The following SUPT6H variants were observed in gnomAD, a reference collection of about 807,000 sequenced individuals.
The protein encoded by SUPT6H is transcription elongation factor SPT6.
SUPT6H carries 11 observed loss-of-function variants against 222.3 expected under a neutral mutation model. The ratio of observed to expected loss-of-function variants is 0.05; its 90% confidence interval spans 0.03 to 0.08. The LOEUF (loss-of-function observed/expected upper bound fraction) is 0.08. Ranked by LOEUF, SUPT6H falls within the 10% of genes least tolerant of loss-of-function variation. The probability of loss-of-function intolerance (pLI) is 1.00; values close to 1 mark genes in which losing one functional copy is unlikely to be tolerated. For missense variants in SUPT6H, 1,422 were observed against 2,216.0 expected, an observed-to-expected ratio of 0.64 and a Z score of 7.19; for synonymous variants, 762 against 801.2, an observed-to-expected ratio of 0.95 and a Z score of 0.83.
At position 28,675,062 on chromosome 17, in the gene SUPT6H, G is replaced by C; in HGVS notation, c.438G>C (p.Ala146=). 1.2e-6 allele frequency: 2 copies of C among 1,614,164 alleles called. No homozygotes were observed. The highest frequency in any genetic ancestry group is 1.7e-6 in the Non-Finnish European group (2 of 1,180,028). ...GKEEHEKEAI[A]EEIFQDGEGE... ...AGGAACATGAAAAAGAAGCTATTGC[G>C]GAAGAAATCTTCCAGGATGGGGAAG... Residue 146 remains alanine (A), a synonymous_variant, in exon 5 of 37, where the codon GCG becomes GCC. Coordinates refer to ENST00000314616, the MANE Select transcript of SUPT6H (RefSeq NM_003170.5).
chr17:28,685,981 C>T (rs1032993448), intron 19 of SUPT6H, among the ~76,000 whole-genome samples: 6 of 152,002 alleles, frequency 3.9e-5, no homozygotes, highest in Non-Finnish European at 7.4e-5. Flanking sequence ...TTCAAAGGGC[C>T]CTCACCCAAA....
rs376688082 is a variant in SUPT6H at position 28,687,942 on chromosome 17, T to A, written c.3007-149T>A. Reference sequence around the variant, plus strand: ...AGCAAAACTTTTTTTTTTTTTTTTTTAATTTTGAGTGGTCGATAGCATGCT... The same window carrying A: ...AGCAAAACTTTTTTTTTTTTTTTTTAAATTTTGAGTGGTCGATAGCATGCT... On this transcript the variant is annotated intron_variant, in intron 23 of 36. Coordinates refer to ENST00000314616, the MANE Select transcript of SUPT6H (RefSeq NM_003170.5). The A allele has an allele frequency of 9.2e-4, 732 of 791,676 alleles. 2 individuals carry two copies. The African/African-American group carries it at 0.01, about 11-fold the overall frequency. The allele number at this position is 791,676 out of a possible 1,614,324, so 49.0% of individuals were successfully genotyped here.
Position 28,682,734 on chromosome 17 carries a change from G to A in SUPT6H, c.1605G>A (p.Leu535=). The A allele has an allele frequency of 6.2e-7, 1 of 1,614,176 alleles. No homozygotes were observed. Among genetic ancestry groups the A allele is most frequent in the Non-Finnish European group, 8.5e-7 (1 of 1,180,026 alleles). The part of the protein sequence containing the change: ...TICQSAGLDG[L]AKKFGLTPEQ... ...CTCTTCTGTTTGCTTTAGATGGCCT[G>A]GCCAAAAAGTTTGGGCTTACTCCCG... The change falls in exon 14 of 37, where the codon CTG becomes CTA. Residue 535 remains leucine (L), a synonymous_variant. Transcript: ENST00000314616.
chr17:28,700,567 T>G (rs1313144125), intron 35 of SUPT6H, 55 bp downstream of exon 35: 30 of 1,577,978 alleles, frequency 1.9e-5, no homozygotes, highest in Non-Finnish European at 2.2e-5. Flanking sequence ...TAGACTGCCC[T>G]CTCGCATTGC....
chr17:28,677,390 A>G (rs991835530), intron 7 of SUPT6H, among the ~76,000 whole-genome samples: 1 of 151,924 alleles, frequency 6.6e-6, no homozygotes, highest in African/African-American at 2.4e-5. Context: ...CTCAAAAAAA[A>G]AAAAATCAGC....
chr17:28,682,890 G>T, intron 14 of SUPT6H, 34 bp downstream of exon 14: 1 of 1,613,810 alleles, frequency 6.2e-7, no homozygotes, highest in Non-Finnish European at 8.5e-7. Context: ...CAGGAGGAGG[G>T]GCCTGAGGAC....
intron 5 of SUPT6H, 109 bp downstream of exon 5, chr17:28,675,271 A>G: frequency 1.3e-6 from 2 of 1,484,906 alleles, no homozygotes; most frequent in Non-Finnish European, 1.8e-6. Context: ...AGCATTTGAC[A>G]CAAAGAAGTT....
rs1363127741 is a variant in SUPT6H at position 28,701,683 on chromosome 17, C to G, written c.*58C>G. The G allele has an allele frequency of 1.2e-5, 18 of 1,515,778 alleles. No individual in the cohort carries two copies. The highest frequency in any genetic ancestry group is 1.6e-5 in the Non-Finnish European group (18 of 1,119,468). The allele number at this position is 1,515,778 out of a possible 1,614,324, so 93.9% of individuals were successfully genotyped here. On this transcript the variant is annotated 3_prime_UTR_variant, in exon 37 of 37. Transcript: ENST00000314616. ...AGGCTGGGAAAGGCCTGGCTGCCCA[C>G]TGCCTCCCTCCCTGCCCCTCCTTTT...
chr17:28,678,036 G>A (rs1401649580), intron 8 of SUPT6H, 40 bp from the exon 9 acceptor site: 1 of 1,579,754 alleles, frequency 6.3e-7, no homozygotes, highest in East Asian at 2.2e-5. Context: ...GACAAACCAA[G>A]TAAACATTGT....
At chr17:28,684,153 C>T (rs1015159639) in intron 17 of SUPT6H, among the ~76,000 whole-genome samples, 1 of 152,030 alleles carries the variant, frequency 6.6e-6, no homozygotes, top group African/African-American at 2.4e-5. Context: ...TGAGCCACCA[C>T]GCCCAGCCGA....
chr17:28,682,659 G>C (rs1453117275), intron 13 of SUPT6H, 68 bp from the exon 14 acceptor site: 2 of 1,573,172 alleles, frequency 1.3e-6, no homozygotes, highest in Admixed American at 3.8e-5. Context: ...TCCAACTCCA[G>C]ATTCTGAAAG....
rs953378527 is a variant in SUPT6H at position 28,673,504 on chromosome 17, G to A, written c.103G>A (p.Asp35Asn). The A allele has an allele frequency of 6.2e-7, 1 of 1,611,484 alleles. No homozygotes were observed. The highest frequency in any genetic ancestry group is 8.5e-7 in the Non-Finnish European group (1 of 1,178,522). The change falls in exon 2 of 37, where the codon GAT becomes AAT. Residue 35 changes from aspartate to asparagine, a missense_variant. Coordinates refer to ENST00000314616, the MANE Select transcript of SUPT6H (RefSeq NM_003170.5). ...CACCAAGAAATTTGTGGAAGAGGAG[G>A]ATGATGGTGAGGAGGCCCCAGCCTC... is the stretch of plus-strand genomic sequence containing the variant. ...RVTKKFVEEE[D>N]DDEEEEEENL...
Position 28,689,350 on chromosome 17 carries a change from C to T in SUPT6H, c.3135-4C>T, listed in dbSNP as rs750602015. 2.3e-5 allele frequency: 37 copies of T among 1,614,018 alleles called. No homozygotes were observed. In the South Asian group the frequency reaches 3.8e-4, roughly 17 times the overall value. On this transcript the variant is annotated splice_region_variant and splice_polypyrimidine_tract_variant and intron_variant, in intron 24 of 36. Coordinates refer to ENST00000314616, the MANE Select transcript of SUPT6H (RefSeq NM_003170.5). ...ATCCTGTTCCTTTTCTGCCTTTCCT[C>T]CAGCACTGACTCATATATTGAAGTC...
At chr17:28,696,129 AC>A (rs1475814142) in intron 29 of SUPT6H, among the ~76,000 whole-genome samples, 1 of 151,706 alleles carries the variant, frequency 6.6e-6, no homozygotes, top group African/African-American at 2.4e-5. Flanking sequence ...AAAATGGTGA[AC>A]CCCCGTCTCT....
At chr17:28,689,096 C>A in intron 24 of SUPT6H, 1 of 411,558 alleles carries the variant, frequency 2.4e-6, no homozygotes, top group Non-Finnish European at 4.3e-6. Flanking sequence ...TATGCATTTA[C>A]TAACTACCCA....
intron 1 of SUPT6H, chr17:28,670,419 T>C (rs1401806050): frequency 6.6e-6 from 1 of 152,228 alleles, no homozygotes; most frequent in African/African-American, 2.4e-5. Flanking sequence ...AAAAATTGCT[T>C]AAAATACCCA....
intron 29 of SUPT6H, among the ~76,000 whole-genome samples, chr17:28,696,385 T>C (rs1428647749): frequency 6.9e-6 from 1 of 145,056 alleles, no homozygotes; most frequent in Admixed American, 7.0e-5. Flanking sequence ...TCGCTTGAGG[T>C]GAGGAGTTCA....
In SUPT6H at chr17:28,690,150, C is replaced by T. The variant is rs1296885144; in HGVS notation, c.3411C>T (p.Leu1137=). Residue 1137 remains leucine, a synonymous_variant, in exon 26 of 37, where the codon CTC becomes CTT. Transcript: ENST00000314616. ...AGCTGAGCTGTCGATATAAGGACCT[C>T]CGGACAGCCTACCGCTCTCCCAACA... ...RAELSCRYKD[L]RTAYRSPNTE... 5.0e-6 allele frequency: 8 copies of T among 1,613,692 alleles called. No individual in the cohort carries two copies. Among genetic ancestry groups the T allele is most frequent in the Admixed American group, 1.7e-5 (1 of 60,000 alleles).
In SUPT6H at chr17:28,675,458, G is replaced by A. The variant is rs761657766; in HGVS notation, c.596G>A (p.Arg199Gln). 1.9e-6 allele frequency: 3 copies of A among 1,614,144 alleles called. No homozygotes were observed. Among genetic ancestry groups the A allele is most frequent in the Non-Finnish European group, 1.7e-6 (2 of 1,180,024 alleles). ...CAGCCTCTGAAAAAACCTAAGTGGC[G>A]GAAAAAGCTTCCTGGATACACAGAC... The part of the protein sequence containing the change: ...DGQPLKKPKW[R>Q]KKLPGYTDAA... The change falls in exon 6 of 37, where the codon CGG (arginine) becomes CAG (glutamine). Residue 199 changes from arginine (R) to glutamine (Q), a missense_variant. Coordinates refer to ENST00000314616, the MANE Select transcript of SUPT6H (RefSeq NM_003170.5).
Sources: gnomAD v4.1 joint callset for allele counts (sites outside exome capture counted in the v4.1 genomes callset) on GRCh38, gnomAD v4.1.1 for gene constraint, MANE v1.5 for transcripts, NCBI Gene and HGNC (gene_info 2026-07-23, HGNC 2026-07-21) for gene names.